TGFBRAP1: variants seen among roughly 807,000 people sequenced by gnomAD.
The protein encoded by TGFBRAP1 is transforming growth factor-beta receptor-associated protein 1.
A neutral mutation model predicts 83.2 loss-of-function variants in TGFBRAP1; 20 were observed. The observed-to-expected ratio is 0.24, with a 90% CI of 0.17 to 0.35. The LOEUF is 0.35. Among genes scored for constraint, TGFBRAP1 ranks in the 10% least tolerant of loss-of-function variants. The pLI is 1.00. For missense variants in TGFBRAP1, 950 were observed against 1,099.4 expected, an observed-to-expected ratio of 0.86 and a Z score of 1.92; for synonymous variants, 415 against 459.8, an observed-to-expected ratio of 0.90 and a Z score of 1.25.
chr2:105,269,325 G>A lies in TGFBRAP1; in HGVS notation c.2353C>T (p.Gln785Ter), dbSNP rs938976339. ...GACCTGGCCAGGCCGAGAGCCACCTGCATGGTCCTCCTGGCATGGATGCTG... is the reference window on the plus strand; with the variant it reads ...GACCTGGCCAGGCCGAGAGCCACCTACATGGTCCTCCTGGCATGGATGCTG... The part of the protein sequence containing the change: ...RDSIHARRTM[Q>*]VALGLARSEN... Residue 785 changes from glutamine (Q) to a stop codon, truncating the protein, a stop_gained, in exon 11 of 12, where the codon CAG becomes TAG. Transcript: ENST00000393359. LOFTEE classifies it high-confidence loss of function. This position sits in a 1 kb window ranked among gnomAD's most constrained non-coding sequence, Gnocchi z 4.1. 1.2e-6 allele frequency: 2 copies of A among 1,613,536 alleles called. No homozygotes were observed. Among genetic ancestry groups the A allele is most frequent in the Non-Finnish European group, 1.7e-6 (2 of 1,179,646 alleles).
rs1218803511 is a variant in TGFBRAP1 at position 105,295,331 on chromosome 2, A to G, written c.1038+1025T>C. On this transcript the variant is annotated intron_variant, in intron 4 of 11. Coordinates refer to ENST00000393359, the MANE Select transcript of TGFBRAP1 (RefSeq NM_004257.6). ...TCTGACCAATATTAAGAACTTTTTC[A>G]TTATTAATTTAGATATTCATACAAA... Among the ~76,000 whole-genome samples the G allele has an allele frequency of 2.6e-5, 4 of 152,314 alleles. No homozygotes were observed. The East Asian group carries it at 5.8e-4, about 22-fold the overall frequency.
chr2:105,255,390 T>C, the TGFBRAP1 span, among the ~76,000 whole-genome samples: 2 of 152,102 alleles, frequency 1.3e-5, no homozygotes, highest in African/African-American at 2.4e-5. Flanking sequence ...GGTACAATCA[T>C]GGCTCACTGC....
the TGFBRAP1 span, among the ~76,000 whole-genome samples, chr2:105,251,521 G>A: frequency 6.7e-6 from 1 of 150,350 alleles, no homozygotes; most frequent in Non-Finnish European, 1.5e-5. Flanking sequence ...GGGAGGTGGG[G>A]GGGGATCAGC....
chr2:105,319,080 A>G (rs573970277), intron 1 of TGFBRAP1, among the ~76,000 whole-genome samples: 22 of 151,992 alleles, frequency 1.4e-4, no homozygotes, highest in Non-Finnish European at 2.6e-4. Flanking sequence ...TGTGTGTGTG[A>G]GACAGAGTCT....
In TGFBRAP1 at chr2:105,307,830, C is replaced by G; in HGVS notation, c.472G>C (p.Val158Leu). The G allele has an allele frequency of 6.2e-7, 1 of 1,614,180 alleles. No individual in the cohort carries two copies. Among genetic ancestry groups the G allele is most frequent in the Non-Finnish European group, 8.5e-7 (1 of 1,180,036 alleles). Residue 158 changes from valine to leucine, a missense_variant, in exon 2 of 12, where the codon GTG (valine) becomes CTG (leucine). Val to Leu is a conservative substitution (Grantham distance 32). Transcript: ENST00000393359. ...IQMFLVYEDR[V>L]QIVKEVSTAE... ...GTCGACACCTCCTTGACGATCTGCACCCGGTCCTCGTACACCAGAAACATC... is the reference window on the plus strand; with the variant it reads ...GTCGACACCTCCTTGACGATCTGCAGCCGGTCCTCGTACACCAGAAACATC...
In TGFBRAP1 at chr2:105,298,584, G is replaced by T; in HGVS notation, c.810C>A (p.Val270=). Residue 270 remains valine (V), a synonymous_variant, in exon 3 of 12, where the codon GTC becomes GTA. Transcript: ENST00000393359. Reference sequence around the variant, plus strand: ...TCTGTTGCTGATCCAACATGCTGTGGACTGTGATGAATTCGTCATCGAGCG... The same window carrying T: ...TCTGTTGCTGATCCAACATGCTGTGTACTGTGATGAATTCGTCATCGAGCG... ...VIALDDEFIT[V]HSMLDQQQKQ... 1 of 1,614,130 alleles carries T rather than the reference G, an allele frequency of 6.2e-7. No homozygotes were observed. The highest frequency in any genetic ancestry group is 8.5e-7 in the Non-Finnish European group (1 of 1,180,012).
intron 3 of TGFBRAP1, 101 bp downstream of exon 3, chr2:105,298,410 T>C: frequency 7.6e-7 from 1 of 1,312,146 alleles, no homozygotes; most frequent in Non-Finnish European, 1.0e-6. Context: ...CTGTGTATCT[T>C]TTATGCTTAG....
intron 5 of TGFBRAP1, 90 bp from the exon 6 acceptor site, chr2:105,280,813 G>T: frequency 7.3e-7 from 1 of 1,369,252 alleles, no homozygotes; most frequent in Non-Finnish European, 9.9e-7. Flanking sequence ...GCGCACGGTG[G>T]CACACGTTCA....
At chr2:105,284,694 G>C (rs1053127049) in intron 4 of TGFBRAP1, among the ~76,000 whole-genome samples, 1 of 152,018 alleles carries the variant, frequency 6.6e-6, no homozygotes, top group Non-Finnish European at 1.5e-5. Context: ...CAACAACCCT[G>C]GTGTTTCTGG....
At chr2:105,271,444 CAG>C (rs530928669) in intron 10 of TGFBRAP1, among the ~76,000 whole-genome samples, 92 of 152,310 alleles carry the variant, frequency 6.0e-4, no homozygotes, top group African/African-American at 2.1e-3. Flanking sequence ...TGTGAGTGAA[CAG>C]AGATTGCACA....
chr2:105,276,431 C>A (rs1052693451), intron 7 of TGFBRAP1, among the ~76,000 whole-genome samples: 22 of 152,156 alleles, frequency 1.4e-4, no homozygotes, highest in African/African-American at 5.3e-4. Context: ...GCCACAGCAC[C>A]AGGAAGGAGC....
At chr2:105,283,750 A>G (rs1393134791) in intron 5 of TGFBRAP1, among the ~76,000 whole-genome samples, 1 of 152,174 alleles carries the variant, frequency 6.6e-6, no homozygotes, top group Non-Finnish European at 1.5e-5. Flanking sequence ...GGAGAACACA[A>G]TCAACAGCCC....
chr2:105,290,616 A>T (rs934711), intron 4 of TGFBRAP1, among the ~76,000 whole-genome samples: 25,167 of 140,142 alleles, frequency 0.18, 2,685 homozygotes, highest in East Asian at 0.52. Context: ...ACAGAGAGAC[A>T]GTGTGTGTGT....
At chr2:105,301,585 A>T (rs1344227711) in intron 2 of TGFBRAP1, among the ~76,000 whole-genome samples, 1 of 147,482 alleles carries the variant, frequency 6.8e-6, no homozygotes, top group Non-Finnish European at 1.5e-5. Flanking sequence ...AGACTCTCTC[A>T]AAAAAAAGAA....
intron 2 of TGFBRAP1, among the ~76,000 whole-genome samples, chr2:105,305,126 C>A (rs1333277141): frequency 6.6e-6 from 1 of 152,068 alleles, no homozygotes; most frequent in African/African-American, 2.4e-5. Context: ...AACGGGAGGG[C>A]AGGAGGTCTA....
Position 105,273,656 on chromosome 2 carries a change from T to A in TGFBRAP1, c.1700A>T (p.Asp567Val). 6.2e-7 allele frequency: 1 copy of A among 1,614,206 alleles called. No individual in the cohort carries two copies. Among genetic ancestry groups the A allele is most frequent in the Non-Finnish European group, 8.5e-7 (1 of 1,180,040 alleles). ...GVQVFTKRPL[D>V]EQQKNSFNPD... ...ATTAAAACTGTTCTTCTGCTGTTCATCCAAAGGTCTCTTGGTGAAAACCTG... is the reference window on the plus strand; with the variant it reads ...ATTAAAACTGTTCTTCTGCTGTTCAACCAAAGGTCTCTTGGTGAAAACCTG... Residue 567 changes from aspartate to valine, a missense_variant, in exon 9 of 12, where the codon GAT becomes GTT. By Grantham distance (152) the Asp-to-Val change is radical. Transcript: ENST00000393359.
At chr2:105,251,160 G>T in the TGFBRAP1 span, among the ~76,000 whole-genome samples, 1 of 148,784 alleles carries the variant, frequency 6.7e-6, no homozygotes, top group African/African-American at 2.5e-5. Flanking sequence ...GCCCCGTCTG[G>T]GATGTGAGGA....
chr2:105,328,911 C>T (rs1369183040), intron 1 of TGFBRAP1, among the ~76,000 whole-genome samples: 1 of 152,138 alleles, frequency 6.6e-6, no homozygotes, highest in East Asian at 1.9e-4. Flanking sequence ...TTAAGGATAT[C>T]AACACTTAAC....
At chr2:105,319,700 A>AT (rs1335569777) in intron 1 of TGFBRAP1, among the ~76,000 whole-genome samples, 1 of 149,844 alleles carries the variant, frequency 6.7e-6, no homozygotes, top group African/African-American at 2.4e-5. Context: ...CAAAAAAAAA[A>AT]AAAAGGAAAG....
Sources: gnomAD v4.1 joint callset for allele counts (sites outside exome capture counted in the v4.1 genomes callset) on GRCh38, gnomAD v4.1.1 for gene constraint, Gnocchi (gnomAD v3.1) non-coding constraint, MANE v1.5 for transcripts, NCBI Gene and HGNC (gene_info 2026-07-23, HGNC 2026-07-21) for gene names.